The following PIK3C2A variants were observed in gnomAD, a reference collection of about 807,000 sequenced individuals.
The protein encoded by PIK3C2A is phosphatidylinositol 4-phosphate 3-kinase C2 domain-containing subunit alpha.
A neutral mutation model predicts 204.5 loss-of-function variants in PIK3C2A; 97 were observed. The ratio of observed to expected loss-of-function variants is 0.47; its 90% CI spans 0.40 to 0.56. PIK3C2A has a LOEUF of 0.56. Ranked by LOEUF, PIK3C2A falls within the 20% of genes least tolerant of loss-of-function variation. The probability of loss-of-function intolerance (pLI) is 0.00; values close to 1 mark genes in which losing one functional copy is unlikely to be tolerated. For missense variants in PIK3C2A, 1,735 were observed against 1,969.2 expected, an observed-to-expected ratio of 0.88 and a Z score of 2.25; for synonymous variants, 653 against 664.4, an observed-to-expected ratio of 0.98 and a Z score of 0.26.
In PIK3C2A at chr11:17,089,520, A is replaced by T. The variant is rs1486294940; in HGVS notation, c.*218T>A. ...GCATTCTACATAATGACTTTAAAAC[A>T]GCAATGGCTTCCAAAAATTCAAAAA... is the stretch of plus-strand genomic sequence containing the variant. On this transcript the variant is annotated 3_prime_UTR_variant, in exon 33 of 33. Transcript: ENST00000691414. The T allele has an allele frequency of 4.3e-6, 2 of 468,362 alleles. No individual in the cohort carries two copies. Among genetic ancestry groups the T allele is most frequent in the Non-Finnish European group, 7.6e-6 (2 of 262,830 alleles). The allele number at this position is 468,362 out of a possible 1,614,324, so 29.0% of individuals were successfully genotyped here. A position where few individuals can be genotyped will look rare whatever the true frequency, so the allele number is the denominator to read the frequency against.
At chr11:17,106,320 G>C (rs1210444780) in intron 22 of PIK3C2A, among the ~76,000 whole-genome samples, 1 of 151,842 alleles carries the variant, frequency 6.6e-6, no homozygotes, top group Non-Finnish European at 1.5e-5. Flanking sequence ...GCTGATGCAT[G>C]AGAATTACTT....
chr11:17,101,690 G>A (rs1590904845), intron 24 of PIK3C2A, among the ~76,000 whole-genome samples: 2 of 148,124 alleles, frequency 1.4e-5, no homozygotes, highest in South Asian at 2.1e-4. Flanking sequence ...TGCAAGCTCC[G>A]CCTCCTGGGT....
chr11:17,155,785 C>T (rs535388530), intron 2 of PIK3C2A, among the ~76,000 whole-genome samples, 156 bp from the exon 3 acceptor site: 2 of 152,252 alleles, frequency 1.3e-5, no homozygotes, highest in South Asian at 4.1e-4. Context: ...ATATTTCTAT[C>T]TTTGTAAAAG....
rs749340016 is a variant in PIK3C2A at position 17,119,250 on chromosome 11, C to T, written c.2910G>A (p.Glu970=). Residue 970 remains glutamate (E), a synonymous_variant, in exon 17 of 33, where the codon GAG becomes GAA. Coordinates refer to ENST00000691414, the MANE Select transcript of PIK3C2A (RefSeq NM_002645.4). ...VTWIEAISDD[E]LTDLLPQFVQ... is the part of the protein sequence containing the mutation. ...CAAACTGTGGAAGAAGATCTGTTAG[C>T]TCATCATCACTAATGGCCTCAATCC... 16 of 1,602,258 alleles carry T rather than the reference C, an allele frequency of 1.0e-5. No individual in the cohort carries two copies. Among genetic ancestry groups the T allele is most frequent in the Non-Finnish European group, 1.4e-5 (16 of 1,170,488 alleles).
At chr11:17,100,591 T>C (rs555010488) in intron 25 of PIK3C2A, among the ~76,000 whole-genome samples, 7 of 152,292 alleles carry the variant, frequency 4.6e-5, no homozygotes, top group East Asian at 1.9e-4. Context: ...ATGTATCACA[T>C]AGTGATAAAG....
chr11:17,103,729 C>T (rs1303482842), intron 23 of PIK3C2A, among the ~76,000 whole-genome samples: 1 of 152,104 alleles, frequency 6.6e-6, no homozygotes, highest in Non-Finnish European at 1.5e-5. Context: ...AGGTTGTTTG[C>T]CCAAGATCAC....
intron 1 of PIK3C2A, among the ~76,000 whole-genome samples, chr11:17,171,502 CA>C (rs1033268420): frequency 9.2e-5 from 13 of 141,206 alleles, no homozygotes; most frequent in South Asian, 2.2e-4. Flanking sequence ...TAATACTAAA[CA>C]AAAAAAAAAA....
intron 1 of PIK3C2A, among the ~76,000 whole-genome samples, chr11:17,191,433 A>C (rs973219377): frequency 3.9e-5 from 6 of 152,180 alleles, no homozygotes; most frequent in South Asian, 4.1e-4. Context: ...CTGGATGCTG[A>C]AGCACAAGTG....
At chr11:17,175,896 T>C (rs924571896) in intron 1 of PIK3C2A, among the ~76,000 whole-genome samples, 2 of 152,030 alleles carry the variant, frequency 1.3e-5, no homozygotes, top group African/African-American at 4.8e-5. Flanking sequence ...TCAAGACAAC[T>C]AAGAAAACTA....
At chr11:17,093,500 G>C (rs1408772520) in intron 28 of PIK3C2A, among the ~76,000 whole-genome samples, 1 of 152,156 alleles carries the variant, frequency 6.6e-6, no homozygotes, top group East Asian at 1.9e-4. Flanking sequence ...TCCTGACCTC[G>C]TGATCCGCCC....
In PIK3C2A at chr11:17,134,908, G is replaced by A. The variant is rs367708578; in HGVS notation, c.2019C>T (p.Ser673=). ...GRSPTDCAQS[S]KSVKEAWTTT... The stretch of plus-strand genomic sequence containing the variant: ...TAGTCCATGCTTCCTTGACACTCTT[G>A]CTACTTTGGGCACAGTCTGTAGGAC... Residue 673 remains serine (S), a synonymous_variant, in exon 11 of 33, where the codon AGC becomes AGT. Transcript: ENST00000691414. 1.2e-6 allele frequency: 2 copies of A among 1,614,084 alleles called. No homozygotes were observed. Among genetic ancestry groups the A allele is most frequent in the South Asian group, 2.2e-5 (2 of 91,084 alleles).
chr11:17,127,021 GCTCT>G (rs917009214), intron 13 of PIK3C2A, among the ~76,000 whole-genome samples: 1 of 152,076 alleles, frequency 6.6e-6, no homozygotes, highest in Non-Finnish European at 1.5e-5. Context: ...TCATATAACT[GCTCT>G]CTGACACTAA....
chr11:17,093,737 A>T (rs762659156), intron 28 of PIK3C2A, among the ~76,000 whole-genome samples: 3 of 151,794 alleles, frequency 2.0e-5, no homozygotes, highest in Admixed American at 6.6e-5. Flanking sequence ...TCCTGGTATC[A>T]ATCAATCCTC....
chr11:17,179,017 CCG>C (rs1851440895), intron 1 of PIK3C2A, among the ~76,000 whole-genome samples: 4 of 151,748 alleles, frequency 2.6e-5, no homozygotes, highest in South Asian at 2.1e-4. Flanking sequence ...GCGTGAGCCA[CCG>C]CGCCCCCGCT....
chr11:17,175,044 T>A (rs538208229), intron 1 of PIK3C2A, among the ~76,000 whole-genome samples: 1 of 152,250 alleles, frequency 6.6e-6, no homozygotes, highest in Admixed American at 6.5e-5. Flanking sequence ...TAATGAACAA[T>A]GTAACACTAT....
intron 1 of PIK3C2A, among the ~76,000 whole-genome samples, chr11:17,207,508 G>C (rs908440192): frequency 1.3e-5 from 2 of 152,308 alleles, no homozygotes; most frequent in East Asian, 3.9e-4. Flanking sequence ...CAAGGCGGGG[G>C]AGGGGGGCCG....
intron 1 of PIK3C2A, among the ~76,000 whole-genome samples, chr11:17,180,758 G>C (rs529318306): frequency 6.6e-6 from 1 of 152,258 alleles, no homozygotes; most frequent in East Asian, 1.9e-4. Context: ...GGAGGCAGAG[G>C]TTGCAGTGAG....
At chr11:17,207,508 GA>G (rs1342370474) in intron 1 of PIK3C2A, among the ~76,000 whole-genome samples, 1 of 152,188 alleles carries the variant, frequency 6.6e-6, no homozygotes, top group Non-Finnish European at 1.5e-5. Context: ...CAAGGCGGGG[GA>G]GGGGGGCCGG....
At chr11:17,191,502 A>T (rs1158067761) in intron 1 of PIK3C2A, among the ~76,000 whole-genome samples, 3 of 152,120 alleles carry the variant, frequency 2.0e-5, no homozygotes, top group Admixed American at 6.6e-5. Context: ...TGAGAGTAAC[A>T]CCTCCTGACT....
Sources: gnomAD v4.1 joint callset for allele counts (sites outside exome capture counted in the v4.1 genomes callset) on GRCh38, gnomAD v4.1.1 for gene constraint, MANE v1.5 for transcripts, NCBI Gene and HGNC (gene_info 2026-07-23, HGNC 2026-07-21) for gene names.